The following TPST1 variants were observed in gnomAD, a reference collection of about 807,000 sequenced individuals.
TPST1 encodes the protein protein-tyrosine sulfotransferase 1.
A neutral mutation model predicts 34.8 loss-of-function variants in TPST1; 20 were observed. The ratio of observed to expected loss-of-function variants is 0.57; its 90% CI spans 0.40 to 0.84. The LOEUF (loss-of-function observed/expected upper bound fraction) is 0.84. TPST1 is among the 40% of genes least tolerant of loss of function. TPST1 has a pLI of 0.00. For missense variants in TPST1, 353 were observed against 455.5 expected, an observed-to-expected ratio of 0.78 and a Z score of 2.05; for synonymous variants, 152 against 159.4, an observed-to-expected ratio of 0.95 and a Z score of 0.35.
chr7:66,200,943 GTCTCGAACTACTGATCTCAAGTGA>G (rs1388567374), upstream of TPST1, among the ~76,000 whole-genome samples: 2 of 151,950 alleles, frequency 1.3e-5, no homozygotes, highest in Non-Finnish European at 2.9e-5. Flanking sequence ...GACCAGGCTG[GTCTCGAACTACTGATCTCAAGTGA>G]TCTGCCCTCC....
chr7:66,323,407 T>C (rs1272934367), intron 3 of TPST1, among the ~76,000 whole-genome samples: 1 of 152,230 alleles, frequency 6.6e-6, no homozygotes, highest in Non-Finnish European at 1.5e-5. Flanking sequence ...CTTAGTTTAC[T>C]AAGTGTTTTG....
At chr7:66,323,167 T>C (rs1417055806) in intron 3 of TPST1, among the ~76,000 whole-genome samples, 1 of 152,180 alleles carries the variant, frequency 6.6e-6, no homozygotes, top group Non-Finnish European at 1.5e-5. Context: ...CCATAGCAGA[T>C]ACATGACTTG....
intron 1 of TPST1, among the ~76,000 whole-genome samples, chr7:66,210,337 G>T (rs1231136357): frequency 6.6e-6 from 1 of 152,254 alleles, no homozygotes; most frequent in Non-Finnish European, 1.5e-5. Context: ...AATCGCCTGA[G>T]AGAGCAGTTG....
intron 1 of TPST1, among the ~76,000 whole-genome samples, chr7:66,207,891 C>G (rs779344357): frequency 6.6e-6 from 1 of 152,154 alleles, no homozygotes; most frequent in Non-Finnish European, 1.5e-5. Flanking sequence ...AAATCATCTT[C>G]TTTTCTCCTC....
chr7:66,230,890 C>T (rs1789771099), intron 1 of TPST1, among the ~76,000 whole-genome samples: 1 of 152,100 alleles, frequency 6.6e-6, no homozygotes, highest in African/African-American at 2.4e-5. Context: ...AAAGGTTCTC[C>T]ACGTCCTCAT....
chr7:66,350,809 T>TTGA (rs1208159073), intron 3 of TPST1, among the ~76,000 whole-genome samples: 1 of 152,222 alleles, frequency 6.6e-6, no homozygotes, highest in African/African-American at 2.4e-5. Context: ...CCACTCTTCA[T>TTGA]TGACATTACT....
At chr7:66,343,720 T>C (rs1792285890) in intron 3 of TPST1, among the ~76,000 whole-genome samples, 1 of 152,194 alleles carries the variant, frequency 6.6e-6, no homozygotes, top group African/African-American at 2.4e-5. Context: ...AACAAAAACT[T>C]ACAAGACATG....
intron 3 of TPST1, among the ~76,000 whole-genome samples, chr7:66,299,301 T>G (rs1791264492): frequency 6.7e-6 from 1 of 149,022 alleles, no homozygotes; most frequent in East Asian, 2.0e-4. Context: ...GCTCTTAGGT[T>G]TTTTTTTTTT....
At position 66,218,846 on chromosome 7, in the gene TPST1, CAA is replaced by C. The variant is rs201145256; in HGVS notation, c.-102+13337_-102+13338del. Among the ~76,000 whole-genome samples, 21 of 128,258 alleles carry C rather than the reference CAA, an allele frequency of 1.6e-4. 1 individual carries two copies. The highest frequency in any genetic ancestry group is 1.3e-3 in the Admixed American group (17 of 12,712). 84.1% of individuals were successfully genotyped at this position (128,258 alleles called of 152,430 possible). On this transcript the variant is annotated intron_variant, in intron 1 of 5. Coordinates refer to ENST00000304842, the MANE Select transcript of TPST1 (RefSeq NM_003596.4). Reference sequence around the variant, plus strand: ...TGGGTGACAGAGCAAGACTCCATCTCAAAAAAAAAAAAAATTGTTATTATAGT... The same window carrying C: ...TGGGTGACAGAGCAAGACTCCATCTCAAAAAAAAAAAATTGTTATTATAGT...
chr7:66,318,241 A>G (rs148305229), intron 3 of TPST1, among the ~76,000 whole-genome samples: 143 of 152,058 alleles, frequency 9.4e-4, no homozygotes, highest in Non-Finnish European at 1.4e-3. Context: ...CCCCACACAA[A>G]CATCCTAACT....
chr7:66,268,273 T>A (rs949592225), intron 2 of TPST1, among the ~76,000 whole-genome samples: 3 of 152,170 alleles, frequency 2.0e-5, no homozygotes, highest in Admixed American at 6.5e-5. Flanking sequence ...CTTTTTAAAA[T>A]ATGCCATAGT....
Position 66,241,065 on chromosome 7 carries a change from A to G in TPST1, c.640A>G (p.Lys214Glu). ...DLNSYRDCLT[K>E]WNRAIETMYN... ...GAACAGCTATAGGGACTGTTTGACA[A>G]AGTGGAATCGTGCTATAGAGACCAT... Residue 214 changes from lysine to glutamate, a missense_variant, in exon 2 of 6, where the codon AAG (lysine) becomes GAG (glutamate). Coordinates refer to ENST00000304842, the MANE Select transcript of TPST1 (RefSeq NM_003596.4). 2 of 1,614,228 alleles carry G rather than the reference A, an allele frequency of 1.2e-6. No individual in the cohort carries two copies. The highest frequency in any genetic ancestry group is 2.2e-5 in the East Asian group (1 of 44,884).
At chr7:66,315,446 G>GTA (rs1240047979) in intron 3 of TPST1, among the ~76,000 whole-genome samples, 12 of 152,256 alleles carry the variant, frequency 7.9e-5, no homozygotes, top group Non-Finnish European at 1.6e-4. Context: ...TGACCTGTTA[G>GTA]TAGTGCTCAC....
At position 66,285,473 on chromosome 7, in the gene TPST1, G is replaced by T. The variant is rs141019218; in HGVS notation, c.846-1038G>T. On this transcript the variant is annotated intron_variant, in intron 2 of 5. Transcript: ENST00000304842. Reference sequence around the variant, plus strand: ...GCTCCTGAGGTAGGAGGGAAACCTGGAGCAGGTAGCCCCACAGAAGCCCAG... The same window carrying T: ...GCTCCTGAGGTAGGAGGGAAACCTGTAGCAGGTAGCCCCACAGAAGCCCAG... Among the ~76,000 whole-genome samples, 134 of 152,272 alleles carry T rather than the reference G, an allele frequency of 8.8e-4. 3 individuals carry two copies. In the East Asian group the frequency reaches 0.025, roughly 28 times the overall value.
chr7:66,204,174 A>C (rs1279577312), upstream of TPST1, among the ~76,000 whole-genome samples: 1 of 144,018 alleles, frequency 6.9e-6, no homozygotes, highest in Non-Finnish European at 1.5e-5. Flanking sequence ...GAGACTCTTC[A>C]AAAAAAAAAA....
At chr7:66,341,949 T>A (rs964265314) in intron 3 of TPST1, among the ~76,000 whole-genome samples, 5 of 152,050 alleles carry the variant, frequency 3.3e-5, no homozygotes, top group Admixed American at 1.3e-4. Flanking sequence ...GTTGAGAAAA[T>A]ATCTTAGTAA....
chr7:66,331,449 T>A (rs1374204850), intron 3 of TPST1, among the ~76,000 whole-genome samples: 1 of 152,208 alleles, frequency 6.6e-6, no homozygotes, highest in Non-Finnish European at 1.5e-5. Context: ...CTGAAACCCT[T>A]GGGAAGTGAA....
intron 3 of TPST1, among the ~76,000 whole-genome samples, chr7:66,310,057 A>C (rs552567765): frequency 3.9e-5 from 6 of 152,286 alleles, no homozygotes; most frequent in Admixed American, 2.6e-4. Flanking sequence ...CTGGCTAGCA[A>C]AGGTAGTCTT....
At chr7:66,232,201 ATT>A (rs1319878540) in intron 1 of TPST1, among the ~76,000 whole-genome samples, 7 of 113,910 alleles carry the variant, frequency 6.1e-5, no homozygotes, top group African/African-American at 1.4e-4. Flanking sequence ...ATTAAAAAAA[ATT>A]TTTTTTTTTT....
Sources: gnomAD v4.1 joint callset for allele counts (sites outside exome capture counted in the v4.1 genomes callset) on GRCh38, gnomAD v4.1.1 for gene constraint, MANE v1.5 for transcripts, NCBI Gene and HGNC (gene_info 2026-07-23, HGNC 2026-07-21) for gene names.